CLEC16A: variants seen among roughly 807,000 people sequenced by gnomAD.
The protein encoded by CLEC16A is protein CLEC16A.
In CLEC16A, 51 loss-of-function variants were observed where a neutral mutation model predicts 109.5. The observed-to-expected ratio is 0.47, with a 90% CI of 0.37 to 0.59. The LOEUF is 0.59. Among genes scored for constraint, CLEC16A ranks in the 20% least tolerant of loss-of-function variants. CLEC16A has a pLI of 0.00. For synonymous variants in CLEC16A, 673 were observed against 564.2 expected (o/e 1.19, Z -2.73); for missense variants, 1,339 against 1,394.0 (o/e 0.96, Z 0.63).
chr16:11,096,470 C>T (rs1343398510), intron 19 of CLEC16A, among the ~76,000 whole-genome samples: 1 of 152,096 alleles, frequency 6.6e-6, no homozygotes, highest in Non-Finnish European at 1.5e-5. Context: ...CAGAGACCCA[C>T]GGGAGGAATA....
chr16:11,002,151 C>G (rs2044706302), intron 10 of CLEC16A, among the ~76,000 whole-genome samples: 1 of 152,158 alleles, frequency 6.6e-6, no homozygotes. Flanking sequence ...CCTTTTCTGT[C>G]TCTGTGCTTC....
At chr16:11,072,668 C>A (rs1454857671) in intron 19 of CLEC16A, among the ~76,000 whole-genome samples, 1 of 152,162 alleles carries the variant, frequency 6.6e-6, no homozygotes, top group Non-Finnish European at 1.5e-5. Flanking sequence ...TAGTGCCTAC[C>A]TCAGGACTGT....
Position 11,060,921 on chromosome 16 carries a change from T to C in CLEC16A, c.2015T>C (p.Met672Thr), listed in dbSNP as rs749527786. The C allele has an allele frequency of 1.4e-5, 22 of 1,612,076 alleles. No individual in the cohort carries two copies. Among genetic ancestry groups the C allele is most frequent in the Non-Finnish European group, 1.9e-5 (22 of 1,179,100 alleles). The part of the protein sequence containing the change: ...KTRRAIRVFF[M>T]LRSLSLQLRG... Reference sequence around the variant, plus strand: ...GTCCAGGCCATCCGGGTGTTCTTCATGCTGCGTTCCCTGTCACTGCAATTG... The same window carrying C: ...GTCCAGGCCATCCGGGTGTTCTTCACGCTGCGTTCCCTGTCACTGCAATTG... Residue 672 changes from methionine to threonine, a missense_variant, in exon 19 of 24, where the codon ATG becomes ACG. This residue lies in a region of CLEC16A where 1,061 missense variants were observed against 1,006.8 expected (regional missense o/e 1.05). Coordinates refer to ENST00000409790, the MANE Select transcript of CLEC16A (RefSeq NM_015226.3).
intron 18 of CLEC16A, among the ~76,000 whole-genome samples, chr16:11,058,276 G>A (rs972794619): frequency 2.6e-5 from 4 of 152,114 alleles, no homozygotes; most frequent in East Asian, 3.8e-4. Flanking sequence ...GTCATCCCTC[G>A]GTATCCATGG....
intron 2 of CLEC16A, among the ~76,000 whole-genome samples, chr16:10,962,064 C>A (rs1441377517): frequency 6.6e-6 from 1 of 151,340 alleles, no homozygotes; most frequent in South Asian, 2.1e-4. Flanking sequence ...GCGGTCCTCC[C>A]ACCTTAGCCT....
Position 11,174,412 on chromosome 16 carries a change from C to A in CLEC16A, c.2807-3923C>A. ...AGAGCCATTTGCCAAGGCGGCACTT[C>A]CCCATTTTCCCCCAAAGTTGGTTCT... On this transcript the variant is annotated intron_variant, in intron 23 of 23. Coordinates refer to ENST00000409790, the MANE Select transcript of CLEC16A (RefSeq NM_015226.3). The surrounding 1 kb of genome is among the most constrained non-coding windows in gnomAD (Gnocchi z 4.7). 5.6e-6 allele frequency: 2 copies of A among 354,234 alleles called. No individual in the cohort carries two copies. The highest frequency in any genetic ancestry group is 4.1e-5 in the South Asian group (2 of 48,968). 21.9% of individuals were successfully genotyped at this position (354,234 alleles called of 1,614,324 possible). A position where few individuals can be genotyped will look rare whatever the true frequency, so the allele number is the denominator to read the frequency against.
chr16:11,037,035 G>A (rs1439651090), intron 13 of CLEC16A, among the ~76,000 whole-genome samples: 1 of 152,172 alleles, frequency 6.6e-6, no homozygotes, highest in African/African-American at 2.4e-5. Flanking sequence ...TCGTGGGGCG[G>A]GTAGTTACCA....
At chr16:11,044,865 G>C (rs929423517) in intron 16 of CLEC16A, among the ~76,000 whole-genome samples, 5 of 151,152 alleles carry the variant, frequency 3.3e-5, no homozygotes, top group South Asian at 2.1e-4. Flanking sequence ...GGCAGAGATT[G>C]CGGCGAGCCA....
At chr16:11,175,190 C>G (rs973061917) in intron 23 of CLEC16A, among the ~76,000 whole-genome samples, 3 of 152,236 alleles carry the variant, frequency 2.0e-5, no homozygotes, top group African/African-American at 4.8e-5. Flanking sequence ...AGGCCCCACC[C>G]TAGGCCTGCA....
chr16:10,993,608 A>G (rs1250730199), intron 10 of CLEC16A, among the ~76,000 whole-genome samples: 2 of 152,184 alleles, frequency 1.3e-5, no homozygotes, highest in Non-Finnish European at 2.9e-5. Flanking sequence ...TTGGCATGAG[A>G]TGTCAGGGCA....
chr16:10,969,401 C>T, intron 4 of CLEC16A, 92 bp downstream of exon 4: 1 of 883,406 alleles, frequency 1.1e-6, no homozygotes, highest in South Asian at 1.8e-5. Flanking sequence ...TCTGGATGGT[C>T]TTGTGTCTGT....
chr16:11,047,260 AT>A (rs1399056739), intron 16 of CLEC16A, 31 bp from the exon 17 acceptor site: 1 of 1,582,666 alleles, frequency 6.3e-7, no homozygotes, highest in African/African-American at 1.4e-5. Flanking sequence ...AATATGAATA[AT>A]CTCCTCTTCC....
At chr16:11,071,121 T>C (rs2049048823) in intron 19 of CLEC16A, 1 of 152,322 alleles carries the variant, frequency 6.6e-6, no homozygotes, top group South Asian at 2.1e-4. Context: ...AAAAGTATTA[T>C]GAAGCTCCCC....
At chr16:11,006,940 A>G (rs1428153702) in intron 11 of CLEC16A, among the ~76,000 whole-genome samples, 2 of 152,194 alleles carry the variant, frequency 1.3e-5, no homozygotes, top group African/African-American at 4.8e-5. Context: ...AATACTAAAA[A>G]AAGAAGGATA....
intron 13 of CLEC16A, among the ~76,000 whole-genome samples, chr16:11,032,156 G>A (rs2046779323): frequency 6.6e-6 from 1 of 152,234 alleles, no homozygotes; most frequent in South Asian, 2.1e-4. Context: ...GTAGAGGACA[G>A]AGCAAGAAGG....
chr16:11,159,814 C>T (rs1192033546), intron 22 of CLEC16A, among the ~76,000 whole-genome samples: 2 of 152,146 alleles, frequency 1.3e-5, no homozygotes, highest in African/African-American at 2.4e-5. Flanking sequence ...TAACTTTTCA[C>T]CTTTTATTGT....
At position 11,178,313 on chromosome 16, in the gene CLEC16A, C is replaced by A. The variant is rs72650661; in HGVS notation, c.2807-22C>A. On this transcript the variant is annotated intron_variant, in intron 23 of 23. Coordinates refer to ENST00000409790, the MANE Select transcript of CLEC16A (RefSeq NM_015226.3). This position sits in a 1 kb window ranked among gnomAD's most constrained non-coding sequence, Gnocchi z 6.5. ...GTGTCTCAAGGGCTCAGTGTGTTTCCGGTTTTTCTCCCCCAATCCAGATGC... is the reference window on the plus strand; with the variant it reads ...GTGTCTCAAGGGCTCAGTGTGTTTCAGGTTTTTCTCCCCCAATCCAGATGC... 6.3e-7 allele frequency: 1 copy of A among 1,583,508 alleles called. No homozygotes were observed. The highest frequency in any genetic ancestry group is 8.6e-7 in the Non-Finnish European group (1 of 1,158,608).
At chr16:11,101,197 A>AC (rs2050894788) in intron 19 of CLEC16A, among the ~76,000 whole-genome samples, 1 of 152,236 alleles carries the variant, frequency 6.6e-6, no homozygotes. Flanking sequence ...TTCACTGAAT[A>AC]ATGATAGGCA....
intron 19 of CLEC16A, among the ~76,000 whole-genome samples, chr16:11,085,088 C>T (rs912987701): frequency 2.6e-5 from 4 of 152,210 alleles, no homozygotes; most frequent in Non-Finnish European, 5.9e-5. Context: ...GCCCCTCTTC[C>T]CCAGGAGCCT....
Sources: gnomAD v4.1 joint callset for allele counts (sites outside exome capture counted in the v4.1 genomes callset) on GRCh38, gnomAD v4.1.1 for gene constraint, gnomAD v4.1.1 regional missense constraint, Gnocchi (gnomAD v3.1) non-coding constraint, MANE v1.5 for transcripts, NCBI Gene and HGNC (gene_info 2026-07-23, HGNC 2026-07-21) for gene names.